Variants in DGKB observed in about 807,000 individuals in gnomAD.
DGKB encodes 90 kDa diacylglycerol kinase.
In DGKB, 67 loss-of-function variants were observed where a neutral mutation model predicts 114.3. The observed-to-expected ratio is 0.59, with a 90% CI of 0.48 to 0.72. The LOEUF is 0.72. Ranked by LOEUF, DGKB falls within the 30% of genes least tolerant of loss-of-function variation. The pLI, the probability that DGKB is intolerant of heterozygous loss-of-function variation, is 0.00. For missense variants in DGKB, 907 were observed against 975.2 expected (o/e 0.93, Z 0.93); for synonymous variants, 398 against 323.1 (o/e 1.23, Z -2.49).
intron 12 of DGKB, among the ~76,000 whole-genome samples, chr7:14,680,149 G>C (rs946644805): frequency 6.6e-6 from 1 of 151,286 alleles, no homozygotes. Flanking sequence ...TTTTCTTTCT[G>C]ACTCTGCCTT....
At chr7:14,903,198 T>C (rs936994002), upstream of DGKB, 2 of 147,208 alleles carry the variant, frequency 1.4e-5, no homozygotes, top group African/African-American at 2.6e-5. Context: ...CGCGTTGATA[T>C]TGGAAGTCTG....
At chr7:14,266,380 C>A (rs1038631437) in intron 23 of DGKB, among the ~76,000 whole-genome samples, 8 of 152,112 alleles carry the variant, frequency 5.3e-5, no homozygotes, top group Non-Finnish European at 7.4e-5. Flanking sequence ...CAAAAATCCA[C>A]AGCTCCTAGA....
chr7:14,160,467 C>T (rs1318883566), intron 25 of DGKB, among the ~76,000 whole-genome samples: 1 of 152,154 alleles, frequency 6.6e-6, no homozygotes, highest in Non-Finnish European at 1.5e-5. Flanking sequence ...CACAAGCATT[C>T]CTATACACCA....
chr7:14,960,731 T>G (rs1786792516), intron 1 of DGKB, among the ~76,000 whole-genome samples: 1 of 152,084 alleles, frequency 6.6e-6, no homozygotes, highest in Admixed American at 6.6e-5. Flanking sequence ...GTGTTATTAT[T>G]ACTAATGTCA....
At chr7:14,377,319 C>G (rs1818649737) in intron 21 of DGKB, among the ~76,000 whole-genome samples, 1 of 152,136 alleles carries the variant, frequency 6.6e-6, no homozygotes, top group Non-Finnish European at 1.5e-5. Flanking sequence ...ATTAATTTAA[C>G]AATCACTCAA....
intron 23 of DGKB, among the ~76,000 whole-genome samples, chr7:14,304,185 T>G (rs1804077773): frequency 6.6e-6 from 1 of 151,756 alleles, no homozygotes; most frequent in African/African-American, 2.4e-5. Flanking sequence ...AACGGTAAGG[T>G]TTATGTGTTT....
chr7:14,290,097 C>T (rs530610386), intron 23 of DGKB, among the ~76,000 whole-genome samples: 4 of 152,264 alleles, frequency 2.6e-5, no homozygotes, highest in African/African-American at 9.6e-5. Context: ...CAACCAACTT[C>T]TTGTCTATGT....
intron 23 of DGKB, among the ~76,000 whole-genome samples, chr7:14,232,820 C>T (rs963479232): frequency 6.6e-6 from 1 of 151,988 alleles, no homozygotes; most frequent in Non-Finnish European, 1.5e-5. Context: ...CAAAAAAGTG[C>T]TCACTAAAGT....
intron 4 of DGKB, among the ~76,000 whole-genome samples, chr7:14,742,240 C>T (rs1832684352): frequency 1.3e-5 from 2 of 152,138 alleles, no homozygotes; most frequent in Admixed American, 6.5e-5. Flanking sequence ...AGGGCTCCAC[C>T]CTCAGGCCAA....
At chr7:14,409,257 G>A (rs1279511925) in intron 21 of DGKB, among the ~76,000 whole-genome samples, 2 of 152,020 alleles carry the variant, frequency 1.3e-5, no homozygotes, top group Admixed American at 6.6e-5. Flanking sequence ...AGTAAATTCC[G>A]TAGCACAGTA....
intron 6 of DGKB, among the ~76,000 whole-genome samples, chr7:14,702,457 C>T (rs146924574): frequency 6.6e-6 from 1 of 152,244 alleles, no homozygotes; most frequent in African/African-American, 2.4e-5. Flanking sequence ...GATGTTTGAA[C>T]TAATCAAGTA....
chr7:14,673,333 T>C (rs1393380832), intron 12 of DGKB, among the ~76,000 whole-genome samples: 6 of 151,932 alleles, frequency 3.9e-5, no homozygotes, highest in Non-Finnish European at 8.8e-5. Context: ...ACACAAATTA[T>C]TGTCCATTAC....
chr7:14,303,189 G>A (rs1164440773), intron 23 of DGKB, among the ~76,000 whole-genome samples: 2 of 152,138 alleles, frequency 1.3e-5, no homozygotes, highest in South Asian at 2.1e-4. Context: ...ACAAAGGAAA[G>A]TAAATGTTTT....
intron 23 of DGKB, among the ~76,000 whole-genome samples, chr7:14,277,714 C>A (rs1157381745): frequency 6.6e-6 from 1 of 152,200 alleles, no homozygotes; most frequent in African/African-American, 2.4e-5. Flanking sequence ...TATAGTGCTA[C>A]AATGAACATG....
chr7:14,222,088 T>TA (rs890672111), intron 23 of DGKB, among the ~76,000 whole-genome samples: 29 of 151,238 alleles, frequency 1.9e-4, no homozygotes, highest in African/African-American at 6.3e-4. Context: ...GTTGATCTTT[T>TA]AAAAAAACTT....
At chr7:14,903,925 T>C (rs1230076170), upstream of DGKB, among the ~76,000 whole-genome samples, 2 of 152,110 alleles carry the variant, frequency 1.3e-5, no homozygotes, top group African/African-American at 4.8e-5. Context: ...CTATATAATA[T>C]TCTCAATGAT....
chr7:14,146,700 A>G lies in DGKB; in HGVS notation c.*2431T>C, dbSNP rs368145869. 10 of 152,290 alleles carry G rather than the reference A, an allele frequency of 6.6e-5. No homozygotes were observed. In the East Asian group the frequency reaches 1.9e-3, roughly 29 times the overall value. The allele number at this position is 152,290 out of a possible 1,614,324, so 9.4% of individuals were successfully genotyped here. ...GGGGCAAGTACATCAGTGTATTTAG[A>G]AAATGAGTTGAGAAAAGTCAAATTG... is the stretch of plus-strand genomic sequence containing the variant. On this transcript the variant is annotated 3_prime_UTR_variant, in exon 26 of 26. Transcript: ENST00000402815.
intron 14 of DGKB, among the ~76,000 whole-genome samples, chr7:14,625,165 C>T (rs974588950): frequency 1.3e-5 from 2 of 151,954 alleles, no homozygotes; most frequent in South Asian, 2.1e-4. Context: ...ATTATAGTAT[C>T]TAATACTAAA....
At chr7:14,164,436 G>C (rs932312425) in intron 25 of DGKB, among the ~76,000 whole-genome samples, 4 of 152,146 alleles carry the variant, frequency 2.6e-5, no homozygotes, top group Non-Finnish European at 5.9e-5. Context: ...ATTATTTAAT[G>C]ATATTTAAAG....
Sources: gnomAD v4.1 joint callset for allele counts (sites outside exome capture counted in the v4.1 genomes callset) on GRCh38, gnomAD v4.1.1 for gene constraint, MANE v1.5 for transcripts, NCBI Gene and HGNC (gene_info 2026-07-23, HGNC 2026-07-21) for gene names.